The following RBFOX1 variants were observed in gnomAD, a reference collection of about 807,000 sequenced individuals.
RBFOX1 encodes RNA binding protein fox-1 homolog 1.
Under a neutral mutation model 57.7 loss-of-function variants are expected in RBFOX1, and 8 were observed. The ratio of observed to expected loss-of-function variants is 0.14; its 90% confidence interval spans 0.08 to 0.25. The LOEUF (loss-of-function observed/expected upper bound fraction) is 0.25. Among genes scored for constraint, RBFOX1 ranks in the 10% least tolerant of loss-of-function variants. The probability of loss-of-function intolerance (pLI) is 1.00; values close to 1 mark genes in which losing one functional copy is unlikely to be tolerated. For missense variants in RBFOX1, 611 were observed against 548.5 expected, an observed-to-expected ratio of 1.11 and a Z score of -1.14; for synonymous variants, 326 against 222.4, an observed-to-expected ratio of 1.47 and a Z score of -4.15.
At chr16:7,613,051 G>A (rs1227564290) in intron 10 of RBFOX1, among the ~76,000 whole-genome samples, 3 of 152,054 alleles carry the variant, frequency 2.0e-5, no homozygotes, top group East Asian at 1.9e-4. Context: ...ATCTTCTAAC[G>A]GAAATGCAGA....
chr16:5,622,732 G>C (rs991771011), intron 3 of RBFOX1, among the ~76,000 whole-genome samples: 2 of 152,200 alleles, frequency 1.3e-5, no homozygotes, highest in African/African-American at 4.8e-5. Flanking sequence ...AGTTGCAAGG[G>C]AGACTGTGTG....
At chr16:7,552,682 T>A (rs989469039) in intron 5 of RBFOX1, among the ~76,000 whole-genome samples, 1 of 152,124 alleles carries the variant, frequency 6.6e-6, no homozygotes, top group Non-Finnish European at 1.5e-5. Flanking sequence ...TTGCCACTCT[T>A]GTTTTTCTTT....
At chr16:6,183,805 G>A (rs74006919) in intron 1 of RBFOX1, among the ~76,000 whole-genome samples, 233 of 152,272 alleles carry the variant, frequency 1.5e-3, no homozygotes, top group African/African-American at 5.3e-3. Flanking sequence ...TGAGGTGAGT[G>A]TTAGCTGGGG....
intron 4 of RBFOX1, among the ~76,000 whole-genome samples, chr16:7,294,790 A>T (rs2095858998): frequency 6.6e-6 from 1 of 152,100 alleles, no homozygotes; most frequent in Non-Finnish European, 1.5e-5. Context: ...GATGATGATG[A>T]TGATGATGAT....
At chr16:6,146,898 G>A (rs1364332010) in intron 1 of RBFOX1, among the ~76,000 whole-genome samples, 1 of 152,136 alleles carries the variant, frequency 6.6e-6, no homozygotes, top group Non-Finnish European at 1.5e-5. Flanking sequence ...TCAAGAAATG[G>A]TAGACGATTC....
intron 3 of RBFOX1, among the ~76,000 whole-genome samples, chr16:5,627,115 C>T (rs1010678873): frequency 6.6e-6 from 1 of 152,118 alleles, no homozygotes; most frequent in African/African-American, 2.4e-5. Context: ...TAAACTTTTT[C>T]TTTTTACTTA....
At chr16:7,286,310 TACAA>T (rs1437574777) in intron 4 of RBFOX1, among the ~76,000 whole-genome samples, 1 of 152,182 alleles carries the variant, frequency 6.6e-6, no homozygotes, top group Non-Finnish European at 1.5e-5. Flanking sequence ...TTCAGCATCA[TACAA>T]ACATCATGTG....
intron 1 of RBFOX1, among the ~76,000 whole-genome samples, chr16:5,445,622 C>G (rs930341741): frequency 2.6e-5 from 4 of 152,314 alleles, no homozygotes; most frequent in Non-Finnish European, 4.4e-5. Context: ...ATGAGCTACG[C>G]TATACTCATC....
chr16:6,348,559 G>C (rs2152840125), intron 2 of RBFOX1, among the ~76,000 whole-genome samples: 1 of 152,252 alleles, frequency 6.6e-6, no homozygotes, highest in South Asian at 2.1e-4. Flanking sequence ...ATTGGATCAT[G>C]GTTCTGCACG....
At chr16:7,482,828 C>A (rs1382305362) in intron 4 of RBFOX1, among the ~76,000 whole-genome samples, 2 of 152,112 alleles carry the variant, frequency 1.3e-5, no homozygotes, top group South Asian at 4.1e-4. Flanking sequence ...GATGTTCTGT[C>A]CCCAAATCCT....
At chr16:7,050,475 A>G (rs2049661242) in intron 3 of RBFOX1, among the ~76,000 whole-genome samples, 2 of 152,044 alleles carry the variant, frequency 1.3e-5, no homozygotes, top group Admixed American at 1.3e-4. Context: ...CATATTGGCC[A>G]GGTTTGTCTC....
chr16:5,814,958 A>AG (rs2055573502), intron 3 of RBFOX1, among the ~76,000 whole-genome samples: 2 of 151,894 alleles, frequency 1.3e-5, no homozygotes, highest in Non-Finnish European at 2.9e-5. Flanking sequence ...AAGAAAAAAA[A>AG]AAAATTTTAT....
intron 4 of RBFOX1, among the ~76,000 whole-genome samples, chr16:5,966,984 A>C (rs1358014056): frequency 1.8e-5 from 1 of 55,604 alleles, no homozygotes; most frequent in African/African-American, 6.7e-5. Context: ...TCTTTCTTGC[A>C]CTAAATCGGG....
At chr16:7,661,162 C>G (rs1427064993) in intron 12 of RBFOX1, among the ~76,000 whole-genome samples, 1 of 152,194 alleles carries the variant, frequency 6.6e-6, no homozygotes, top group Non-Finnish European at 1.5e-5. Flanking sequence ...TTATTTCACA[C>G]TGCCGGTGAG....
chr16:5,499,027 G>C, intron 2 of RBFOX1, among the ~76,000 whole-genome samples: 1 of 152,176 alleles, frequency 6.6e-6, no homozygotes, highest in African/African-American at 2.4e-5. Flanking sequence ...TGGGTCTCCA[G>C]CAGGGCCTGG....
intron 4 of RBFOX1, among the ~76,000 whole-genome samples, chr16:5,914,503 T>C (rs1389421906): frequency 6.6e-6 from 1 of 152,122 alleles, no homozygotes; most frequent in African/African-American, 2.4e-5. Flanking sequence ...ATGTGGTTGT[T>C]GGCCAGCCTC....
intron 2 of RBFOX1, among the ~76,000 whole-genome samples, chr16:6,336,838 A>C (rs1183324553): frequency 6.6e-6 from 1 of 152,212 alleles, no homozygotes; most frequent in African/African-American, 2.4e-5. Context: ...TTAACACCTG[A>C]GTGAAAACGA....
intron 3 of RBFOX1, among the ~76,000 whole-genome samples, chr16:6,838,756 G>A (rs753558532): frequency 4.6e-4 from 70 of 151,974 alleles, no homozygotes; most frequent in African/African-American, 1.6e-3. Context: ...ATCCTCCAGG[G>A]GTCTCAATTA....
At chr16:5,496,136 G>GA (rs1466417497) in intron 2 of RBFOX1, among the ~76,000 whole-genome samples, 1 of 152,022 alleles carries the variant, frequency 6.6e-6, no homozygotes, top group Non-Finnish European at 1.5e-5. Flanking sequence ...AAAAAGAAAA[G>GA]AAAAGAAAAG....
Sources: gnomAD v4.1 joint callset for allele counts (sites outside exome capture counted in the v4.1 genomes callset) on GRCh38, gnomAD v4.1.1 for gene constraint, MANE v1.5 for transcripts, NCBI Gene and HGNC (gene_info 2026-07-23, HGNC 2026-07-21) for gene names.